The following TBC1D2 variants were observed in gnomAD, a reference collection of about 807,000 sequenced individuals.
TBC1D2 encodes the protein TBC1 domain family member 2A.
Under a neutral mutation model 91.1 loss-of-function variants are expected in TBC1D2, and 58 were observed. The ratio of observed to expected loss-of-function variants is 0.64; its 90% confidence interval spans 0.52 to 0.79. The LOEUF (loss-of-function observed/expected upper bound fraction) is 0.79, where lower values mean the gene tolerates loss of function less well. Among genes scored for constraint, TBC1D2 ranks in the 30% least tolerant of loss-of-function variants. The probability of loss-of-function intolerance (pLI) is 0.00; values close to 1 mark genes in which losing one functional copy is unlikely to be tolerated. For synonymous variants in TBC1D2, 482 were observed against 511.5 expected, an observed-to-expected ratio of 0.94 and a Z score of 0.78; for missense variants, 1,080 against 1,208.3, an observed-to-expected ratio of 0.89 and a Z score of 1.57.
rs1172065647 is a variant in TBC1D2, at chr9:98,255,609, T to A, written c.-68A>T. ...ACCACCAGGGACAAATCTCGGAGACTCGGCGGGCAGCTTCCCAAAGGGAGA... is the reference window on the plus strand; with the variant it reads ...ACCACCAGGGACAAATCTCGGAGACACGGCGGGCAGCTTCCCAAAGGGAGA... On this transcript the variant is annotated 5_prime_UTR_variant, in exon 1 of 13. Transcript: ENST00000465784. The A allele has an allele frequency of 9.9e-6, 14 of 1,410,946 alleles. 1 individual carries two copies. The Admixed American group carries it at 3.3e-4, about 33-fold the overall frequency. 87.4% of individuals were successfully genotyped at this position (1,410,946 alleles called of 1,614,324 possible). A position where few individuals can be genotyped will look rare whatever the true frequency, so the allele number is the denominator to read the frequency against.
chr9:98,230,843 T>C (rs1306763120), intron 4 of TBC1D2, among the ~76,000 whole-genome samples: 1 of 152,146 alleles, frequency 6.6e-6, no homozygotes, highest in Non-Finnish European at 1.5e-5. Flanking sequence ...ATCATGCCAG[T>C]GCGCTTTAGC....
intron 5 of TBC1D2, among the ~76,000 whole-genome samples, chr9:98,222,099 T>A (rs1443191602): frequency 6.6e-6 from 1 of 152,148 alleles, no homozygotes; most frequent in Admixed American, 6.5e-5. Flanking sequence ...ATGAACAAAC[T>A]GAGGCCCAGC....
At chr9:98,217,762 G>C (rs1829004552) in intron 6 of TBC1D2, among the ~76,000 whole-genome samples, 1 of 152,010 alleles carries the variant, frequency 6.6e-6, no homozygotes, top group South Asian at 2.1e-4. Flanking sequence ...GTCCAGGCTG[G>C]AGTGCAGTGG....
At chr9:98,234,868 A>T (rs983751647) in intron 3 of TBC1D2, 3 of 211,596 alleles carry the variant, frequency 1.4e-5, no homozygotes, top group Non-Finnish European at 3.0e-5. Flanking sequence ...ACCCACAGTG[A>T]GCTTCGACAC....
intron 4 of TBC1D2, 79 bp downstream of exon 4, chr9:98,233,337 G>A (rs189743637): frequency 1.7e-5 from 26 of 1,520,880 alleles, no homozygotes; most frequent in African/African-American, 5.6e-5. Flanking sequence ...ATGCTGGTTC[G>A]CTGGAAGGAA....
chr9:98,243,961 C>G, intron 3 of TBC1D2, 33 bp downstream of exon 3: 2 of 1,583,212 alleles, frequency 1.3e-6, no homozygotes. Flanking sequence ...CTGCCTGCAG[C>G]TTGGCTAGCC....
At chr9:98,217,113 G>A (rs1200029061) in intron 6 of TBC1D2, among the ~76,000 whole-genome samples, 2 of 152,212 alleles carry the variant, frequency 1.3e-5, no homozygotes, top group Non-Finnish European at 2.9e-5. Context: ...GCACAGCCTG[G>A]AACAGCAGTG....
At position 98,229,017 on chromosome 9, in the gene TBC1D2, G is replaced by A. The variant is rs760341677; in HGVS notation, c.913C>T (p.Gln305Ter). The A allele has an allele frequency of 6.2e-7, 1 of 1,614,076 alleles. No individual in the cohort carries two copies. The highest frequency in any genetic ancestry group is 2.2e-5 in the East Asian group (1 of 44,892). Reference sequence around the variant, plus strand: ...TGCTCCAAGGCTGCCACTTTCTCCTGGGCAGTTCGGTTCCGTGTGATTCCT... The same window carrying A: ...TGCTCCAAGGCTGCCACTTTCTCCTAGGCAGTTCGGTTCCGTGTGATTCCT... ...SEGITRNRTA[Q>*]EKVAALEQQV... Residue 305 changes from glutamine to a stop codon, truncating the protein, a stop_gained, in exon 5 of 13, where the codon CAG becomes TAG. Coordinates refer to ENST00000465784, the MANE Select transcript of TBC1D2 (RefSeq NM_001267571.2). LOFTEE classifies it high-confidence loss of function.
intron 12 of TBC1D2, 117 bp downstream of exon 12, chr9:98,200,136 A>G (rs1828446578): frequency 7.1e-7 from 1 of 1,415,616 alleles, no homozygotes; most frequent in Non-Finnish European, 9.6e-7. Context: ...TCTAAGCTAT[A>G]ATACGAGCAT....
chr9:98,209,734 C>T (rs28679797), intron 8 of TBC1D2, among the ~76,000 whole-genome samples: 129 of 129,498 alleles, frequency 1.0e-3, no homozygotes, highest in South Asian at 1.3e-3. Context: ...TCCTTCCTTC[C>T]TTCTTTCCTT....
At chr9:98,231,585 A>G (rs1468657580) in intron 4 of TBC1D2, among the ~76,000 whole-genome samples, 2 of 152,138 alleles carry the variant, frequency 1.3e-5, no homozygotes, top group African/African-American at 4.8e-5. Context: ...AGACTGGGCA[A>G]AACTATACTG....
At chr9:98,231,537 T>G (rs1206116713) in intron 4 of TBC1D2, among the ~76,000 whole-genome samples, 1 of 152,172 alleles carries the variant, frequency 6.6e-6, no homozygotes, top group Non-Finnish European at 1.5e-5. Flanking sequence ...TGTTAGATGA[T>G]TTTGCCCAAA....
chr9:98,243,250 A>G (rs10760218), intron 3 of TBC1D2, among the ~76,000 whole-genome samples: 36,736 of 151,916 alleles, frequency 0.24, 4,664 homozygotes, highest in Non-Finnish European at 0.28. Flanking sequence ...CATTTGTGAA[A>G]CCATCACTAC....
intron 12 of TBC1D2, 58 bp from the exon 13 acceptor site, chr9:98,199,646 C>T (rs73657117): frequency 0.044 from 69,802 of 1,584,154 alleles, 5,171 homozygotes; most frequent in African/African-American, 0.33. Context: ...GGCGTTTACC[C>T]GGCTCTCCCA....
At chr9:98,202,799 ATGT>A (rs765239288) in intron 10 of TBC1D2, among the ~76,000 whole-genome samples, 1 of 152,274 alleles carries the variant, frequency 6.6e-6, no homozygotes, top group Non-Finnish European at 1.5e-5. Context: ...AATTTCAGAG[ATGT>A]TAAGATGTAA....
intron 5 of TBC1D2, 120 bp from the exon 6 acceptor site, chr9:98,221,348 C>T (rs1003108591): frequency 1.6e-4 from 202 of 1,235,700 alleles, no homozygotes; most frequent in East Asian, 1.6e-3. Flanking sequence ...AGCATCCCTG[C>T]GGCATCTCAT....
chr9:98,237,462 C>T (rs1021115251), intron 3 of TBC1D2, among the ~76,000 whole-genome samples: 1 of 151,734 alleles, frequency 6.6e-6, no homozygotes, highest in African/African-American at 2.4e-5. Flanking sequence ...ATTACTATAG[C>T]TTTGTAGTAG....
chr9:98,246,170 A>G (rs1232454377), intron 2 of TBC1D2, among the ~76,000 whole-genome samples: 1 of 152,192 alleles, frequency 6.6e-6, no homozygotes, highest in Non-Finnish European at 1.5e-5. Flanking sequence ...GGTTGGTATG[A>G]GCTTGATTAG....
At position 98,200,661 on chromosome 9, in the gene TBC1D2, G is replaced by A. The variant is rs35488567; in HGVS notation, c.2458-287C>T. Among the ~76,000 whole-genome samples, 93 of 152,296 alleles carry A rather than the reference G, an allele frequency of 6.1e-4. 1 individual carries two copies. The highest frequency in any genetic ancestry group is 3.4e-3 in the Middle Eastern group (1 of 294). On this transcript the variant is annotated intron_variant, in intron 11 of 12. Transcript: ENST00000465784. The stretch of plus-strand genomic sequence containing the variant: ...TGTCCCATGACTGTGGGTGAGGCAC[G>A]GCCCCTGTTGAATCTCATGGAGTTA...
Sources: gnomAD v4.1 joint callset for allele counts (sites outside exome capture counted in the v4.1 genomes callset) on GRCh38, gnomAD v4.1.1 for gene constraint, MANE v1.5 for transcripts, NCBI Gene and HGNC (gene_info 2026-07-23, HGNC 2026-07-21) for gene names.